The following EYA1 variants were observed in gnomAD, a reference collection of about 807,000 sequenced individuals.
EYA1 encodes the protein protein phosphatase EYA1.
EYA1 carries 16 observed loss-of-function variants against 82.0 expected under a neutral mutation model. The observed-to-expected ratio is 0.20, with a 90% CI of 0.13 to 0.30. The LOEUF is 0.30. Ranked by LOEUF, EYA1 falls within the 10% of genes least tolerant of loss-of-function variation. The probability of loss-of-function intolerance (pLI) is 1.00; values close to 1 mark genes in which losing one functional copy is unlikely to be tolerated. For synonymous variants in EYA1, 261 were observed against 264.4 expected (o/e 0.99, Z 0.12); for missense variants, 633 against 730.7 (o/e 0.87, Z 1.54).
chr8:71,422,692 G>C (rs1328307412), intron 2 of EYA1, among the ~76,000 whole-genome samples: 1 of 152,112 alleles, frequency 6.6e-6, no homozygotes, highest in Admixed American at 6.5e-5. Flanking sequence ...GGAAACAAAC[G>C]CATCCTTCTT....
At chr8:71,420,124 A>G (rs1831064181) in intron 2 of EYA1, among the ~76,000 whole-genome samples, 1 of 152,218 alleles carries the variant, frequency 6.6e-6, no homozygotes. Flanking sequence ...TGTCTAATAA[A>G]TAATTAAATT....
At chr8:71,526,705 A>T (rs1202776344) in intron 2 of EYA1, among the ~76,000 whole-genome samples, 2 of 152,238 alleles carry the variant, frequency 1.3e-5, no homozygotes. Flanking sequence ...GTGATCCAAC[A>T]GAGAGCAGGG....
intron 2 of EYA1, among the ~76,000 whole-genome samples, chr8:71,377,641 T>G (rs1021474686): frequency 2.6e-5 from 4 of 152,210 alleles, no homozygotes; most frequent in African/African-American, 9.7e-5. Context: ...CTCTGTGTCA[T>G]GAAATACACT....
chr8:71,391,675 G>C (rs1829288521), intron 2 of EYA1, among the ~76,000 whole-genome samples: 1 of 152,150 alleles, frequency 6.6e-6, no homozygotes, highest in African/African-American at 2.4e-5. Flanking sequence ...TCTTGGCATG[G>C]TAGTTCAATT....
chr8:71,426,865 A>C (rs961346343), intron 2 of EYA1, among the ~76,000 whole-genome samples: 1 of 152,148 alleles, frequency 6.6e-6, no homozygotes, highest in Non-Finnish European at 1.5e-5. Flanking sequence ...GTATGACTAA[A>C]GTTTTCTTAC....
intron 2 of EYA1, among the ~76,000 whole-genome samples, chr8:71,508,392 GC>G (rs763287637): frequency 9.9e-5 from 15 of 152,172 alleles, no homozygotes; most frequent in Non-Finnish European, 1.9e-4. Flanking sequence ...TCCCACCTCA[GC>G]CCCCCAAGTA....
At chr8:71,397,026 C>T (rs949909805) in intron 2 of EYA1, among the ~76,000 whole-genome samples, 1 of 152,104 alleles carries the variant, frequency 6.6e-6, no homozygotes, top group African/African-American at 2.4e-5. Context: ...TGAATTGATC[C>T]CTTTACCATT....
At chr8:71,260,853 AAATCTTTGGGCAG>A (rs1290734327) in intron 11 of EYA1, among the ~76,000 whole-genome samples, 6 of 152,228 alleles carry the variant, frequency 3.9e-5, no homozygotes, top group Non-Finnish European at 8.8e-5. Context: ...AATCAAGGAC[AAATCTTTGGGCAG>A]TATCAATCAA....
chr8:71,402,615 T>C (rs1830017135), intron 2 of EYA1, among the ~76,000 whole-genome samples: 1 of 152,202 alleles, frequency 6.6e-6, no homozygotes, highest in South Asian at 2.1e-4. Context: ...AAATTAGTTC[T>C]GAGTTTATAT....
At chr8:71,518,296 A>G (rs1813133608) in intron 2 of EYA1, among the ~76,000 whole-genome samples, 1 of 152,128 alleles carries the variant, frequency 6.6e-6, no homozygotes, top group Admixed American at 6.6e-5. Context: ...TCCCTCCAAA[A>G]GTGATTAATA....
chr8:71,352,844 C>T (rs1826438910), intron 3 of EYA1, among the ~76,000 whole-genome samples: 1 of 152,140 alleles, frequency 6.6e-6, no homozygotes, highest in African/African-American at 2.4e-5. Flanking sequence ...ACAAACCACA[C>T]ATTACTCACA....
chr8:71,361,010 A>G (rs749707342), intron 1 of EYA1, among the ~76,000 whole-genome samples: 1 of 152,238 alleles, frequency 6.6e-6, no homozygotes, highest in Non-Finnish European at 1.5e-5. Context: ...TTCAAGGTCC[A>G]CTCAAGCCTT....
intron 2 of EYA1, among the ~76,000 whole-genome samples, chr8:71,419,705 C>T (rs1009367487): frequency 1.1e-4 from 16 of 152,100 alleles, no homozygotes; most frequent in African/African-American, 3.4e-4. Context: ...TTAGATATTA[C>T]TAATATTAAC....
At chr8:71,201,764 A>T (rs1245782517) in intron 17 of EYA1, among the ~76,000 whole-genome samples, 2 of 152,166 alleles carry the variant, frequency 1.3e-5, no homozygotes, top group African/African-American at 4.8e-5. Context: ...ACATTTTAAA[A>T]GAAAACTATT....
intron 2 of EYA1, among the ~76,000 whole-genome samples, chr8:71,425,837 A>T (rs1284293839): frequency 1.3e-5 from 2 of 152,234 alleles, no homozygotes; most frequent in African/African-American, 4.8e-5. Context: ...ACCAATGGAC[A>T]AGCCAGCACT....
intron 12 of EYA1, among the ~76,000 whole-genome samples, chr8:71,233,812 T>G (rs1201510608): frequency 6.6e-6 from 1 of 152,176 alleles, no homozygotes; most frequent in Non-Finnish European, 1.5e-5. Context: ...TTAACTTTTC[T>G]AAATAATAAA....
At chr8:71,398,512 A>G (rs1829765032) in intron 2 of EYA1, among the ~76,000 whole-genome samples, 1 of 152,122 alleles carries the variant, frequency 6.6e-6, no homozygotes, top group Admixed American at 6.5e-5. Context: ...TTTCCTTCTA[A>G]CAGTCAGGAC....
chr8:71,397,792 T>A (rs922926574), intron 2 of EYA1, among the ~76,000 whole-genome samples: 4 of 152,016 alleles, frequency 2.6e-5, no homozygotes, highest in African/African-American at 7.3e-5. Flanking sequence ...TCGAGGAGTA[T>A]CTCTGTGGTG....
intron 2 of EYA1, among the ~76,000 whole-genome samples, chr8:71,367,830 T>C (rs1204857729): frequency 6.6e-6 from 1 of 152,188 alleles, no homozygotes; most frequent in Non-Finnish European, 1.5e-5. Flanking sequence ...GTGTGAGGGT[T>C]AAAAAGTAGA....
Sources: allele counts gnomAD v4.1 joint callset (sites outside exome capture counted in the v4.1 genomes callset), GRCh38; gene constraint gnomAD v4.1.1; transcripts MANE v1.5; gene names NCBI Gene and HGNC (gene_info 2026-07-23, HGNC 2026-07-21).